Variants in KIAA1217 observed in about 807,000 individuals in gnomAD.
KIAA1217 encodes sickle tail protein homolog.
A neutral mutation model predicts 163.9 loss-of-function variants in KIAA1217; 88 were observed. The ratio of observed to expected loss-of-function variants is 0.54; its 90% CI spans 0.45 to 0.64. KIAA1217 has a LOEUF of 0.64. KIAA1217 is among the 30% of genes least tolerant of loss of function. The pLI, the probability that KIAA1217 is intolerant of heterozygous loss-of-function variation, is 0.00. For synonymous variants in KIAA1217, 903 were observed against 923.1 expected, an observed-to-expected ratio of 0.98 and a Z score of 0.39; for missense variants, 2,372 against 2,475.0, an observed-to-expected ratio of 0.96 and a Z score of 0.88.
Position 24,031,554 on chromosome 10 carries a change from C to T in KIAA1217, c.-171+24180C>T, listed in dbSNP as rs182130275. Among the ~76,000 whole-genome samples the T allele has an allele frequency of 5.1e-4, 77 of 152,282 alleles. No homozygotes were observed. In the Middle Eastern group the frequency reaches 0.01, roughly 20 times the overall value. On this transcript the variant is annotated intron_variant, in intron 2 of 18. Coordinates refer to the KIAA1217 transcript ENST00000376462. ...GACTCAAATGATCCGCCCACCTTGG[C>T]CTCCCAAACTGCTGGAATTACAGGC...
chr10:24,031,460 C>A (rs546918169), intron 2 of KIAA1217, among the ~76,000 whole-genome samples: 2 of 152,156 alleles, frequency 1.3e-5, no homozygotes, highest in East Asian at 3.9e-4. Context: ...CCACCACATC[C>A]AGCTAATTTT....
At chr10:24,397,917 A>T (rs1307391532) in intron 3 of KIAA1217, among the ~76,000 whole-genome samples, 3 of 152,156 alleles carry the variant, frequency 2.0e-5, no homozygotes, top group Non-Finnish European at 2.9e-5. Flanking sequence ...GGATCATCTC[A>T]TCTGGGTTCC....
chr10:24,019,317 A>G (rs1370395998), intron 2 of KIAA1217, among the ~76,000 whole-genome samples: 2 of 152,084 alleles, frequency 1.3e-5, no homozygotes, highest in Admixed American at 6.6e-5. Context: ...AATATATACA[A>G]TTTGGCATTT....
chr10:24,088,274 T>TACACACATACATAC (rs2061785936), intron 2 of KIAA1217, among the ~76,000 whole-genome samples: 1 of 107,246 alleles, frequency 9.3e-6, no homozygotes, highest in African/African-American at 3.1e-5. Flanking sequence ...TATATATATA[T>TACACACATACATAC]ACACACATAT....
At chr10:24,368,913 A>C (rs976379451) in intron 2 of KIAA1217, 2 of 919,822 alleles carry the variant, frequency 2.2e-6, no homozygotes, top group African/African-American at 3.6e-5. Context: ...CATTTTTCCA[A>C]TTACTTCTCA....
rs757282270 is a variant in KIAA1217, at chr10:24,544,439, T to C, written c.5169T>C (p.Thr1723=). ...TGCTAGTTCCGGATGAAGGTCCCAC[T>C]GCCCTAGAGCCCCCTACGTCGATAC... The part of the protein sequence containing the change: ...RPLLVPDEGP[T]ALEPPTSIPS... Residue 1723 remains threonine (T), a synonymous_variant, in exon 19 of 21, where the codon ACT becomes ACC. Transcript: ENST00000376454. 4.3e-6 allele frequency: 7 copies of C among 1,614,084 alleles called. No homozygotes were observed. In the Admixed American group the frequency reaches 1.2e-4, roughly 27 times the overall value.
chr10:24,400,269 T>C (rs1410613941), intron 3 of KIAA1217, among the ~76,000 whole-genome samples: 1 of 152,204 alleles, frequency 6.6e-6, no homozygotes, highest in Non-Finnish European at 1.5e-5. Context: ...GACCTGCATT[T>C]TGGGGACTTC....
At chr10:24,163,055 C>A (rs2065190226) in intron 2 of KIAA1217, among the ~76,000 whole-genome samples, 1 of 152,202 alleles carries the variant, frequency 6.6e-6, no homozygotes, top group Non-Finnish European at 1.5e-5. Context: ...TACAGACCAA[C>A]TCTGGAACAA....
intron 2 of KIAA1217, among the ~76,000 whole-genome samples, chr10:24,119,173 C>G (rs1367307265): frequency 6.6e-6 from 1 of 152,186 alleles, no homozygotes; most frequent in Non-Finnish European, 1.5e-5. Flanking sequence ...CATTTGATTT[C>G]ATTAACATGT....
intron 1 of KIAA1217, among the ~76,000 whole-genome samples, chr10:23,924,601 A>G (rs1028567200): frequency 1.3e-5 from 2 of 152,196 alleles, no homozygotes; most frequent in Non-Finnish European, 2.9e-5. Flanking sequence ...GGAAACGTTC[A>G]AAGTCAGACA....
At chr10:23,717,557 A>G (rs1837650046) in intron 1 of KIAA1217, among the ~76,000 whole-genome samples, 1 of 152,158 alleles carries the variant, frequency 6.6e-6, no homozygotes, top group African/African-American at 2.4e-5. Context: ...CTAAGGTTGG[A>G]GTTCTAAAAT....
intron 3 of KIAA1217, among the ~76,000 whole-genome samples, chr10:24,423,255 A>G (rs1175867111): frequency 2.0e-5 from 3 of 150,076 alleles, no homozygotes; most frequent in Non-Finnish European, 3.0e-5. Flanking sequence ...GGGTGCTAAC[A>G]TAGGTTTCCT....
chr10:23,826,407 G>T (rs931348562), intron 1 of KIAA1217, among the ~76,000 whole-genome samples: 3 of 152,146 alleles, frequency 2.0e-5, no homozygotes, highest in African/African-American at 7.2e-5. Context: ...TCAAAAGTAA[G>T]CTGGGCATGG....
At chr10:24,300,246 G>A (rs2041146199) in intron 2 of KIAA1217, among the ~76,000 whole-genome samples, 1 of 152,190 alleles carries the variant, frequency 6.6e-6, no homozygotes, top group Non-Finnish European at 1.5e-5. Flanking sequence ...ACAGTGTGAA[G>A]AGATCACTGC....
At chr10:24,064,676 C>T (rs1489145881) in intron 2 of KIAA1217, among the ~76,000 whole-genome samples, 1 of 152,088 alleles carries the variant, frequency 6.6e-6, no homozygotes, top group Non-Finnish European at 1.5e-5. Flanking sequence ...AGGGAAGATT[C>T]CCTCTTTTTC....
intron 2 of KIAA1217, among the ~76,000 whole-genome samples, chr10:24,296,318 T>C (rs1239165066): frequency 6.6e-6 from 1 of 152,060 alleles, no homozygotes; most frequent in Non-Finnish European, 1.5e-5. Flanking sequence ...CCAAGGCTGG[T>C]TGGTCTCAAA....
intron 5 of KIAA1217, among the ~76,000 whole-genome samples, chr10:24,443,993 A>G (rs1293147914): frequency 1.3e-5 from 2 of 151,860 alleles, no homozygotes; most frequent in African/African-American, 2.4e-5. Context: ...TCATAATAAA[A>G]TCTGTTTGTT....
chr10:24,037,888 A>C (rs1848465063), intron 2 of KIAA1217, among the ~76,000 whole-genome samples: 1 of 152,198 alleles, frequency 6.6e-6, no homozygotes, highest in Non-Finnish European at 1.5e-5. Flanking sequence ...GCTCACAGCC[A>C]AATTTCTTTT....
At position 24,544,205 on chromosome 10, in the gene KIAA1217, C is replaced by A; in HGVS notation, c.4935C>A (p.Ser1645Arg). ...CAGTGAGGAGGCAAGAGCAGCCCAGCATCGAGAGTACATCTCCGATTTCAA... is the reference window on the plus strand; with the variant it reads ...CAGTGAGGAGGCAAGAGCAGCCCAGAATCGAGAGTACATCTCCGATTTCAA... The part of the protein sequence containing the change: ...ENTVRRQEQP[S>R]IESTSPISRT... The change falls in exon 19 of 21, where the codon AGC becomes AGA. Residue 1645 changes from serine to arginine, a missense_variant. Ser to Arg is a moderately radical substitution (Grantham distance 110). This residue lies in a region of KIAA1217 where 690 missense variants were observed against 677.5 expected (regional missense o/e 1.02). Coordinates refer to ENST00000376454, the MANE Select transcript of KIAA1217 (RefSeq NM_019590.5). The A allele has an allele frequency of 1.2e-6, 2 of 1,614,062 alleles. No homozygotes were observed. The highest frequency in any genetic ancestry group is 1.7e-6 in the Non-Finnish European group (2 of 1,179,988).
Sources: gnomAD v4.1 joint callset for allele counts (sites outside exome capture counted in the v4.1 genomes callset) on GRCh38, gnomAD v4.1.1 for gene constraint, gnomAD v4.1.1 regional missense constraint, MANE v1.5 for transcripts, NCBI Gene and HGNC (gene_info 2026-07-23, HGNC 2026-07-21) for gene names.